The following COG6 variants were observed in gnomAD, a reference collection of about 807,000 sequenced individuals.
COG6 encodes the protein component of oligomeric golgi complex 6.
Under a neutral mutation model 88.8 loss-of-function variants are expected in COG6, and 74 were observed. The ratio of observed to expected loss-of-function variants is 0.83; its 90% CI spans 0.69 to 1.01. The LOEUF (loss-of-function observed/expected upper bound fraction) is 1.01, where lower values mean the gene tolerates loss of function less well. Among genes scored for constraint, COG6 ranks in the 50% least tolerant of loss-of-function variants. COG6 has a pLI of 0.00. For missense variants in COG6, 800 were observed against 797.9 expected, an observed-to-expected ratio of 1.00 and a Z score of -0.03; for synonymous variants, 286 against 278.7, an observed-to-expected ratio of 1.03 and a Z score of -0.26.
rs1877458366 is a variant in COG6, at chr13:39,699,566, A to G, written c.1232A>G (p.Lys411Arg). ...TTIEEMHLLS[K>R]KIFFNSLSLH... ...ATTGAAGAAATGCATTTGCTAAGCAAAAAAATATTCTTCAATAGCTTGAGT... is the reference window on the plus strand; with the variant it reads ...ATTGAAGAAATGCATTTGCTAAGCAGAAAAATATTCTTCAATAGCTTGAGT... Residue 411 changes from lysine to arginine, a missense_variant, in exon 13 of 19, where the codon AAA (lysine) becomes AGA (arginine). Physicochemically the swap from Lys to Arg is conservative, Grantham distance 26 (BLOSUM62 2). Transcript: ENST00000455146. The G allele has an allele frequency of 1.9e-6, 3 of 1,595,360 alleles. No homozygotes were observed. In the East Asian group the frequency reaches 6.7e-5, roughly 36 times the overall value.
chr13:39,723,056 T>C (rs1211137582), intron 15 of COG6, among the ~76,000 whole-genome samples: 2 of 152,108 alleles, frequency 1.3e-5, no homozygotes, highest in Admixed American at 1.3e-4. Context: ...TTACTAGTGT[T>C]TTTTGTTTGT....
chr13:39,728,879 G>A (rs1410527477), intron 18 of COG6, among the ~76,000 whole-genome samples: 2 of 152,068 alleles, frequency 1.3e-5, no homozygotes, highest in African/African-American at 4.8e-5. Context: ...TGGCCAGGCT[G>A]TTCTTGAACT....
At chr13:39,678,684 G>C (rs1876119669) in intron 5 of COG6, among the ~76,000 whole-genome samples, 1 of 152,112 alleles carries the variant, frequency 6.6e-6, no homozygotes, top group Non-Finnish European at 1.5e-5. Flanking sequence ...CAGAGGGCAA[G>C]AAGGGTTCTT....
At chr13:39,695,565 C>T (rs1877228833) in intron 12 of COG6, among the ~76,000 whole-genome samples, 1 of 151,714 alleles carries the variant, frequency 6.6e-6, no homozygotes, top group African/African-American at 2.4e-5. Flanking sequence ...AAGGATGTAA[C>T]TAACATTACC....
chr13:39,720,440 A>G (rs1000179808), intron 15 of COG6, among the ~76,000 whole-genome samples: 1 of 152,052 alleles, frequency 6.6e-6, no homozygotes, highest in Non-Finnish European at 1.5e-5. Context: ...ACTGTTTTTT[A>G]AAAAAACAAC....
At chr13:39,749,078 T>G (rs192204071) in intron 18 of COG6, among the ~76,000 whole-genome samples, 28 of 152,292 alleles carry the variant, frequency 1.8e-4, no homozygotes, top group African/African-American at 6.0e-4. Context: ...AACACAATAT[T>G]ACTATTACTG....
intron 18 of COG6, among the ~76,000 whole-genome samples, chr13:39,761,174 A>G (rs143213144): frequency 4.6e-5 from 7 of 152,150 alleles, no homozygotes; most frequent in South Asian, 2.1e-4. Context: ...GGTAGTTTTA[A>G]TGTCCTTCAA....
At chr13:39,755,117 G>T (rs1880790362), downstream of COG6, among the ~76,000 whole-genome samples, 1 of 152,070 alleles carries the variant, frequency 6.6e-6, no homozygotes, top group African/African-American at 2.4e-5. Flanking sequence ...TTCAAAAAAT[G>T]ATCAAAGTCA....
intron 13 of COG6, among the ~76,000 whole-genome samples, chr13:39,709,800 A>T (rs1252000270): frequency 3.3e-5 from 5 of 152,060 alleles, no homozygotes; most frequent in Non-Finnish European, 5.9e-5. Context: ...GTTGATGGGC[A>T]CTTAGGTTGA....
At chr13:39,689,016 T>G (rs985093793) in intron 10 of COG6, among the ~76,000 whole-genome samples, 1 of 152,228 alleles carries the variant, frequency 6.6e-6, no homozygotes, top group Non-Finnish European at 1.5e-5. Context: ...GTATCAAGAT[T>G]AGACTCAGCA....
chr13:39,788,618 A>G lies in COG6; in HGVS notation c.*262A>G, dbSNP rs1280801584. ...GCATGTAGAGTTGCTGTGTGGCTTA[A>G]ATAAGTAAATGTATGCAAAGCACTA... On this transcript the variant is annotated 3_prime_UTR_variant, in exon 19 of 19. Transcript: ENST00000416691. 8.3e-6 allele frequency: 4 copies of G among 481,618 alleles called. No homozygotes were observed. In the South Asian group the frequency reaches 1.5e-4, roughly 18 times the overall value. The allele number at this position is 481,618 out of a possible 1,614,324, so 29.8% of individuals were successfully genotyped here.
intron 18 of COG6, among the ~76,000 whole-genome samples, chr13:39,729,262 T>G (rs182874682): frequency 7.2e-5 from 11 of 152,116 alleles, no homozygotes; most frequent in Non-Finnish European, 1.3e-4. Flanking sequence ...GGTTATGTGC[T>G]CCTTATGAGA....
intron 13 of COG6, among the ~76,000 whole-genome samples, chr13:39,707,954 T>C (rs1273699680): frequency 8.5e-5 from 13 of 152,204 alleles, no homozygotes. Context: ...TTACTAGATA[T>C]TGCTAAGTAT....
exon 19 of COG6, chr13:39,789,485 G>C (rs1233608967): frequency 2.6e-5 from 4 of 151,964 alleles, no homozygotes; most frequent in Admixed American, 6.6e-5. Context: ...GCGATCATCT[G>C]CTCCACCCTG....
At chr13:39,678,124 TA>T (rs1268685850) in intron 5 of COG6, 6 of 435,166 alleles carry the variant, frequency 1.4e-5, no homozygotes, top group Non-Finnish European at 2.7e-5. Context: ...TGGAGTGCAG[TA>T]GCACGAACAC....
intron 18 of COG6, among the ~76,000 whole-genome samples, chr13:39,780,332 G>C (rs531324420): frequency 1.3e-5 from 2 of 152,130 alleles, no homozygotes; most frequent in African/African-American, 4.8e-5. Context: ...GCAACATGAT[G>C]GCTGGCACCA....
chr13:39,693,068 A>G (rs188973940), intron 11 of COG6, among the ~76,000 whole-genome samples: 1 of 151,494 alleles, frequency 6.6e-6, no homozygotes, highest in African/African-American at 2.4e-5. Context: ...GAAAATGGTT[A>G]CCCTCTTATA....
At chr13:39,724,396 G>C in intron 16 of COG6, 112 bp from the exon 17 acceptor site, 4 of 768,680 alleles carry the variant, frequency 5.2e-6, no homozygotes. Context: ...TAAGCTAAAT[G>C]ATTTTCCAAA....
intron 18 of COG6, among the ~76,000 whole-genome samples, chr13:39,783,174 T>A (rs1881679503): frequency 6.6e-6 from 1 of 152,158 alleles, no homozygotes; most frequent in Admixed American, 6.5e-5. Flanking sequence ...ATCCTAGAGG[T>A]CTTACATATT....
Sources: allele counts gnomAD v4.1 joint callset (sites outside exome capture counted in the v4.1 genomes callset), GRCh38; gene constraint gnomAD v4.1.1; transcripts MANE v1.5; gene names NCBI Gene and HGNC (gene_info 2026-07-23, HGNC 2026-07-21).